Variants in RBFOX3 observed in about 807,000 individuals in gnomAD.
RBFOX3 encodes the protein RNA binding protein fox-1 homolog 3.
Under a neutral mutation model 48.7 loss-of-function variants are expected in RBFOX3, and 17 were observed. The ratio of observed to expected loss-of-function variants is 0.35; its 90% confidence interval spans 0.24 to 0.52. The LOEUF is 0.52. Among genes scored for constraint, RBFOX3 ranks in the 20% least tolerant of loss-of-function variants. RBFOX3 has a pLI of 0.94. For synonymous variants in RBFOX3, 212 were observed against 209.5 expected, an observed-to-expected ratio of 1.01 and a Z score of -0.10; for missense variants, 382 against 497.5, an observed-to-expected ratio of 0.77 and a Z score of 2.21.
chr17:79,368,336 C>CCA (rs1568122852), intron 2 of RBFOX3, among the ~76,000 whole-genome samples: 2 of 152,200 alleles, frequency 1.3e-5, no homozygotes, highest in Non-Finnish European at 2.9e-5. Context: ...TGTAGCCAGG[C>CCA]CACACCATCC....
At chr17:79,161,381 G>A (rs1410965830) in intron 4 of RBFOX3, among the ~76,000 whole-genome samples, 1 of 152,170 alleles carries the variant, frequency 6.6e-6, no homozygotes, top group Non-Finnish European at 1.5e-5. Flanking sequence ...AGCACCGCAT[G>A]GCTCCAGCAC....
At position 79,095,154 on chromosome 17, in the gene RBFOX3, T is replaced by C. The variant is rs1240564014; in HGVS notation, c.998+359A>G. Reference sequence around the variant, plus strand: ...CTCAGCTACCAACAGGCCAGATGTCTGAGGGGAAAGGCACTAGGCTAGGTT... The same window carrying C: ...CTCAGCTACCAACAGGCCAGATGTCCGAGGGGAAAGGCACTAGGCTAGGTT... On this transcript the variant is annotated intron_variant, in intron 13 of 14. Coordinates refer to ENST00000693108, the MANE Select transcript of RBFOX3 (RefSeq NM_001350451.2). Among the ~76,000 whole-genome samples the C allele has an allele frequency of 2.7e-5, 4 of 149,598 alleles. No individual in the cohort carries two copies. The South Asian group carries it at 8.4e-4, about 31-fold the overall frequency.
intron 4 of RBFOX3, among the ~76,000 whole-genome samples, chr17:79,166,605 G>A (rs1265928505): frequency 6.6e-6 from 1 of 152,034 alleles, no homozygotes. Context: ...AGATCCGGAG[G>A]AGGAGCCCAG....
the RBFOX3 span, among the ~76,000 whole-genome samples, chr17:79,650,449 T>C: frequency 1.3e-5 from 2 of 151,944 alleles, no homozygotes; most frequent in East Asian, 1.9e-4. Context: ...GCCAAGGCAC[T>C]GGGGGTTCTC....
chr17:79,404,340 G>A (rs1317163943), intron 2 of RBFOX3, among the ~76,000 whole-genome samples: 1 of 81,582 alleles, frequency 1.2e-5, no homozygotes, highest in Non-Finnish European at 2.8e-5. Flanking sequence ...ACTCTTTGAG[G>A]TGAGCAGTCT....
rs896301150 is a variant in RBFOX3, at chr17:79,362,350, G to A, written c.-174-54526C>T. Among the ~76,000 whole-genome samples, 2 of 152,270 alleles carry A rather than the reference G, an allele frequency of 1.3e-5. No homozygotes were observed. Among genetic ancestry groups the A allele is most frequent in the African/African-American group, 4.8e-5 (2 of 41,562 alleles). ...GCTGAGATCCCCGGCCAGCGTCTGC[G>A]TAGGACGGTGGGAGAGGCTGAGTGC... On this transcript the variant is annotated intron_variant, in intron 2 of 14. Coordinates refer to ENST00000693108, the MANE Select transcript of RBFOX3 (RefSeq NM_001350451.2). This position sits in a 1 kb window ranked among gnomAD's most constrained non-coding sequence, Gnocchi z 4.2.
intron 4 of RBFOX3, among the ~76,000 whole-genome samples, chr17:79,170,612 C>T (rs1003680844): frequency 2.0e-5 from 3 of 152,084 alleles, no homozygotes; most frequent in African/African-American, 7.2e-5. Flanking sequence ...CCAGGTATAC[C>T]TCTCCCGCTA....
At position 79,097,389 on chromosome 17, in the gene RBFOX3, C is replaced by T. The variant is rs1268143676; in HGVS notation, c.658G>A (p.Val220Ile). ...GFPYPTTGTA[V>I]AYRGAHLRGR... ...CGAAGATGTGCGCCCCGGTAGGCAACGGCTGTGCCGGTGGTGGGGTAGGGG... is the reference window on the plus strand; with the variant it reads ...CGAAGATGTGCGCCCCGGTAGGCAATGGCTGTGCCGGTGGTGGGGTAGGGG... The change falls in exon 11 of 15, where the codon GTT becomes ATT. Residue 220 changes from valine to isoleucine, a missense_variant. Transcript: ENST00000693108. 1.3e-6 allele frequency: 2 copies of T among 1,548,192 alleles called. No individual in the cohort carries two copies. The highest frequency in any genetic ancestry group is 1.7e-6 in the Non-Finnish European group (2 of 1,146,030).
In RBFOX3 at chr17:79,094,484, G is replaced by A. The variant is rs1258215929; in HGVS notation, c.1044C>T (p.Ile348=). Residue 348 remains isoleucine, a synonymous_variant, in exon 14 of 15, where the codon ATC becomes ATT. Transcript: ENST00000693108. ...YAAADPYHHT[I]GPAATYSIGT... is the part of the protein sequence containing the mutation. Reference sequence around the variant, plus strand: ...CAATGCTGTAGGTCGCCGCGGGCCCGATGGTGTGATGGTACGGGTCGGCAG... The same window carrying A: ...CAATGCTGTAGGTCGCCGCGGGCCCAATGGTGTGATGGTACGGGTCGGCAG... 6.8e-6 allele frequency: 10 copies of A among 1,470,874 alleles called. No homozygotes were observed. Among genetic ancestry groups the A allele is most frequent in the African/African-American group, 1.5e-5 (1 of 67,488 alleles). 91.1% of individuals were successfully genotyped at this position (1,470,874 alleles called of 1,614,324 possible). A position where few individuals can be genotyped will look rare whatever the true frequency, so the allele number is the denominator to read the frequency against.
At chr17:79,378,994 G>A (rs1267306326) in intron 2 of RBFOX3, among the ~76,000 whole-genome samples, 5 of 152,278 alleles carry the variant, frequency 3.3e-5, no homozygotes, top group East Asian at 3.9e-4. Context: ...CCTGGGTTCC[G>A]TGTCCCAGCC....
At chr17:79,219,590 T>C (rs1179810619) in intron 4 of RBFOX3, among the ~76,000 whole-genome samples, 1 of 152,024 alleles carries the variant, frequency 6.6e-6, no homozygotes, top group African/African-American at 2.4e-5. Context: ...TGATTTTTCA[T>C]TTCCTTTGCC....
At chr17:79,403,141 C>T (rs1473490806) in intron 2 of RBFOX3, among the ~76,000 whole-genome samples, 1 of 152,166 alleles carries the variant, frequency 6.6e-6, no homozygotes, top group Non-Finnish European at 1.5e-5. Flanking sequence ...CCCTCCCCCT[C>T]GCTGGGGCCC....
intron 4 of RBFOX3, among the ~76,000 whole-genome samples, chr17:79,206,167 C>T (rs552063165): frequency 6.6e-6 from 1 of 152,180 alleles, no homozygotes; most frequent in Non-Finnish European, 1.5e-5. Context: ...CTTTCTGGAA[C>T]ATCCCCTTGA....
intron 1 of RBFOX3, among the ~76,000 whole-genome samples, chr17:79,556,670 A>C (rs1216107335): frequency 2.6e-5 from 4 of 152,260 alleles, no homozygotes; most frequent in Non-Finnish European, 4.4e-5. Context: ...AAATATATGA[A>C]CTAGGAAGAA....
Position 79,578,102 on chromosome 17 carries a change from C to T in RBFOX3, c.-320+32724G>A, listed in dbSNP as rs1048557651. On this transcript the variant is annotated intron_variant, in intron 1 of 14. Transcript: ENST00000693108. ...GGATGGGCAGGAGGCAGAGCTGAGC[C>T]CAACCTGGGGTAGTGGTGGAGGGAA... 5.9e-3 allele frequency among the ~76,000 whole-genome samples: 906 copies of T among 152,326 alleles called. 12 individuals are homozygous for T. The highest frequency in any genetic ancestry group is 0.02 in the African/African-American group (827 of 41,568).
rs564326479 is a variant in RBFOX3, at chr17:79,362,483, G to A, written c.-174-54659C>T. On this transcript the variant is annotated intron_variant, in intron 2 of 14. Transcript: ENST00000693108. The surrounding 1 kb of genome is among the most constrained non-coding windows in gnomAD (Gnocchi z 4.2). Reference sequence around the variant, plus strand: ...GTGGGCGTGGAAGGCCACCTGCGCTGGGCCTGGATGGCACTAGGCTGAGGG... The same window carrying A: ...GTGGGCGTGGAAGGCCACCTGCGCTAGGCCTGGATGGCACTAGGCTGAGGG... 1.3e-5 allele frequency among the ~76,000 whole-genome samples: 2 copies of A among 152,356 alleles called. No individual in the cohort carries two copies. Among genetic ancestry groups the A allele is most frequent in the Non-Finnish European group, 1.5e-5 (1 of 68,024 alleles).
At chr17:79,354,656 A>G (rs904940444) in intron 2 of RBFOX3, among the ~76,000 whole-genome samples, 5 of 152,260 alleles carry the variant, frequency 3.3e-5, no homozygotes, top group African/African-American at 1.2e-4. Context: ...AGCGCAAGCC[A>G]GGTTCCTGCT....
intron 1 of RBFOX3, among the ~76,000 whole-genome samples, chr17:79,582,396 T>G (rs1309168576): frequency 2.0e-5 from 3 of 152,194 alleles, no homozygotes; most frequent in Non-Finnish European, 2.9e-5. Context: ...TCAGCCTCGC[T>G]TCCACTCTGT....
chr17:79,278,272 A>G (rs1031641800), intron 3 of RBFOX3, among the ~76,000 whole-genome samples: 1 of 152,142 alleles, frequency 6.6e-6, no homozygotes, highest in African/African-American at 2.4e-5. Flanking sequence ...CAGTAACAGC[A>G]TCATAGGATC....
Sources: gnomAD v4.1 joint callset for allele counts (sites outside exome capture counted in the v4.1 genomes callset) on GRCh38, gnomAD v4.1.1 for gene constraint, Gnocchi (gnomAD v3.1) non-coding constraint, MANE v1.5 for transcripts, NCBI Gene and HGNC (gene_info 2026-07-23, HGNC 2026-07-21) for gene names.